The following PALD1 variants were observed in gnomAD, a reference collection of about 807,000 sequenced individuals.
PALD1 encodes paladin.
In PALD1, 57 loss-of-function variants were observed where a neutral mutation model predicts 96.0. The ratio of observed to expected loss-of-function variants is 0.59; its 90% CI spans 0.48 to 0.74. The LOEUF is 0.74. Among genes scored for constraint, PALD1 ranks in the 30% least tolerant of loss-of-function variants. PALD1 has a pLI of 0.00. For synonymous variants in PALD1, 464 were observed against 473.6 expected, an observed-to-expected ratio of 0.98 and a Z score of 0.26; for missense variants, 1,063 against 1,143.7, an observed-to-expected ratio of 0.93 and a Z score of 1.02.
chr10:70,555,903 A>G (rs1169311805), intron 18 of PALD1, among the ~76,000 whole-genome samples: 2 of 152,174 alleles, frequency 1.3e-5, no homozygotes, highest in African/African-American at 2.4e-5. Flanking sequence ...TGGGAGGCTG[A>G]GGCAGGAGAA....
intron 1 of PALD1, among the ~76,000 whole-genome samples, chr10:70,516,933 A>G (rs1342666191): frequency 6.6e-6 from 1 of 151,678 alleles, no homozygotes; most frequent in Admixed American, 6.6e-5. Context: ...TATGTATGTT[A>G]CACTTGCAGC....
the PALD1 span, among the ~76,000 whole-genome samples, chr10:70,471,159 A>G: frequency 3.1e-4 from 47 of 152,228 alleles, no homozygotes; most frequent in African/African-American, 1.1e-3. Flanking sequence ...AGGTTTCTCC[A>G]TATTAGCCAG....
At chr10:70,505,543 G>A (rs556293025) in intron 1 of PALD1, among the ~76,000 whole-genome samples, 7 of 151,524 alleles carry the variant, frequency 4.6e-5, no homozygotes, top group African/African-American at 1.2e-4. Flanking sequence ...GGCGGAGGTT[G>A]CCGTGAGCCG....
intron 18 of PALD1, among the ~76,000 whole-genome samples, chr10:70,555,836 C>T (rs922305198): frequency 6.6e-6 from 1 of 152,118 alleles, no homozygotes; most frequent in African/African-American, 2.4e-5. Flanking sequence ...CGCTTCTATA[C>T]TAAAAATATA....
At chr10:70,483,650 G>T (rs112006615) in intron 1 of PALD1, among the ~76,000 whole-genome samples, 2,218 of 152,332 alleles carry the variant, frequency 0.015, 61 homozygotes, top group African/African-American at 0.05. Flanking sequence ...CTTCCTCTCT[G>T]TGGGCTGTGC....
chr10:70,517,322 T>C (rs1019389775), intron 1 of PALD1, among the ~76,000 whole-genome samples: 9 of 151,414 alleles, frequency 5.9e-5, no homozygotes, highest in African/African-American at 1.2e-4. Flanking sequence ...TACAATGAAA[T>C]TACCCCTTTT....
At chr10:70,562,462 G>A (rs142675204) in intron 18 of PALD1, among the ~76,000 whole-genome samples, 55 of 152,292 alleles carry the variant, frequency 3.6e-4, no homozygotes, top group African/African-American at 1.2e-3. Context: ...GTCTGAGGCC[G>A]CAGAGCCCAC....
At chr10:70,565,989 G>T (rs1489048760) in intron 19 of PALD1, among the ~76,000 whole-genome samples, 2 of 152,188 alleles carry the variant, frequency 1.3e-5, no homozygotes, top group Non-Finnish European at 2.9e-5. Context: ...TCTCTCCTGC[G>T]GATGAGTGGA....
At chr10:70,497,331 C>T (rs1846211529) in intron 1 of PALD1, among the ~76,000 whole-genome samples, 1 of 152,234 alleles carries the variant, frequency 6.6e-6, no homozygotes. Flanking sequence ...CAGGTGTGCA[C>T]AGCTGCCTCG....
At chr10:70,469,726 G>C in the PALD1 span, among the ~76,000 whole-genome samples, 1 of 152,044 alleles carries the variant, frequency 6.6e-6, no homozygotes, top group Non-Finnish European at 1.5e-5. Context: ...TCAAGCAGAG[G>C]CAAGGGGGTT....
intron 1 of PALD1, among the ~76,000 whole-genome samples, chr10:70,481,293 G>A (rs1845927130): frequency 6.6e-6 from 1 of 152,352 alleles, no homozygotes; most frequent in African/African-American, 2.4e-5. Context: ...GAGGTAGGCC[G>A]AGGCGTGCAT....
intron 1 of PALD1, among the ~76,000 whole-genome samples, chr10:70,489,418 A>G (rs563899863): frequency 1.6e-4 from 24 of 152,326 alleles, no homozygotes; most frequent in African/African-American, 5.5e-4. Context: ...TTAACAGTAC[A>G]AAGTAGTGCC....
At position 70,538,045 on chromosome 10, in the gene PALD1, C is replaced by A. The variant is rs545475479; in HGVS notation, c.1323+139C>A. The A allele has an allele frequency of 1.1e-4, 84 of 748,774 alleles. 2 individuals are homozygous for A. Among genetic ancestry groups the A allele is most frequent in the South Asian group, 6.1e-4 (36 of 59,406 alleles). 46.4% of individuals were successfully genotyped at this position (748,774 alleles called of 1,614,324 possible). ...AGGGAGGCCAGGAGAGACCCAGATT[C>A]GGGAGTAGTCCCTGAGCAGCTGGGC... is the stretch of plus-strand genomic sequence containing the variant. On this transcript the variant is annotated intron_variant, in intron 11 of 19. Coordinates refer to ENST00000263563, the MANE Select transcript of PALD1 (RefSeq NM_014431.3).
At chr10:70,480,783 T>C (rs1291516326) in intron 1 of PALD1, among the ~76,000 whole-genome samples, 2 of 152,322 alleles carry the variant, frequency 1.3e-5, no homozygotes, top group East Asian at 3.9e-4. Flanking sequence ...TGCACAGACC[T>C]GGGTTACCCA....
rs1193531016 is a variant in PALD1 at position 70,479,039 on chromosome 10, C to G, written c.-50C>G. The G allele has an allele frequency of 1.3e-5, 2 of 152,178 alleles. No homozygotes were observed. Among genetic ancestry groups the G allele is most frequent in the African/African-American group, 4.8e-5 (2 of 41,460 alleles). 9.4% of individuals were successfully genotyped at this position (152,178 alleles called of 1,614,324 possible). A position where few individuals can be genotyped will look rare whatever the true frequency, so the allele number is the denominator to read the frequency against. On this transcript the variant is annotated 5_prime_UTR_variant, in exon 1 of 20. Coordinates refer to ENST00000263563, the MANE Select transcript of PALD1 (RefSeq NM_014431.3). The stretch of plus-strand genomic sequence containing the variant: ...GCCGGCCGCAGGAGCACGGATGCCC[C>G]CCGGAGCCGCGGGCTGGCAGGTACC...
chr10:70,537,660 A>G (rs925372179), intron 10 of PALD1, 151 bp from the exon 11 acceptor site: 8 of 610,970 alleles, frequency 1.3e-5, no homozygotes, highest in Non-Finnish European at 2.3e-5. Flanking sequence ...GACACTTAGA[A>G]GAACTTACAG....
Position 70,538,258 on chromosome 10 carries a change from GTC to G in PALD1, c.1324-16_1324-15del, listed in dbSNP as rs1248022213. ...ATGGCCCTGTGCCCCTGAATTCCTC[GTC>G]TCTCTGCCTCGGGCTGCAGTACCCG... On this transcript the variant is annotated intron_variant, in intron 11 of 19. Transcript: ENST00000263563. 1 of 1,599,394 alleles carries G rather than the reference GTC, an allele frequency of 6.3e-7. No homozygotes were observed. The highest frequency in any genetic ancestry group is 8.5e-7 in the Non-Finnish European group (1 of 1,179,740).
At chr10:70,527,013 C>A (rs925653824) in intron 2 of PALD1, among the ~76,000 whole-genome samples, 3 of 152,290 alleles carry the variant, frequency 2.0e-5, no homozygotes, top group Admixed American at 2.0e-4. Context: ...AAACCATCAT[C>A]ATAATCAATT....
At chr10:70,493,540 C>T (rs1167844275) in intron 1 of PALD1, among the ~76,000 whole-genome samples, 1 of 152,208 alleles carries the variant, frequency 6.6e-6, no homozygotes, top group East Asian at 1.9e-4. Flanking sequence ...CTGCTTCCTT[C>T]TAAGATTGCA....
Sources: allele counts gnomAD v4.1 joint callset (sites outside exome capture counted in the v4.1 genomes callset), GRCh38; gene constraint gnomAD v4.1.1; transcripts MANE v1.5; gene names NCBI Gene and HGNC (gene_info 2026-07-23, HGNC 2026-07-21).